ZNF264: variants seen among roughly 807,000 people sequenced by gnomAD.
The protein encoded by ZNF264 is zinc finger protein 264.
A neutral mutation model predicts 11.2 loss-of-function variants in ZNF264; 11 were observed. The ratio of observed to expected loss-of-function variants is 0.98; its 90% CI spans 0.62 to 1.63. ZNF264 has a LOEUF of 1.63. Among genes scored for constraint, ZNF264 ranks in the 40% most tolerant of loss-of-function variants. ZNF264 has a pLI of 0.00. For missense variants in ZNF264, 752 were observed against 768.1 expected (o/e 0.98, Z 0.25); for synonymous variants, 309 against 279.8 (o/e 1.10, Z -1.04).
chr19:57,195,818 G>A lies in ZNF264; in HGVS notation c.160+1817G>A, dbSNP rs983261902. 8.6e-5 allele frequency among the ~76,000 whole-genome samples: 13 copies of A among 151,922 alleles called. 2 individuals carry two copies. The highest frequency in any genetic ancestry group is 3.2e-4 in the African/African-American group (13 of 41,232). On this transcript the variant is annotated intron_variant, in intron 2 of 3. Coordinates refer to ENST00000263095, the MANE Select transcript of ZNF264 (RefSeq NM_003417.5). ...TGGCAATCTTAACTTCCAGTTTAAT[G>A]GAATCGTTGTGTCTCCTGGTGGCAG...
intron 3 of ZNF264, among the ~76,000 whole-genome samples, chr19:57,208,917 GTAATGTT>G (rs1394315033): frequency 6.6e-6 from 1 of 152,102 alleles, no homozygotes; most frequent in African/African-American, 2.4e-5. Context: ...TTTCACTGCT[GTAATGTT>G]TTAGCAACTT....
chr19:57,207,654 G>A (rs1055756030), intron 3 of ZNF264, among the ~76,000 whole-genome samples: 8 of 149,656 alleles, frequency 5.3e-5, no homozygotes, highest in Non-Finnish European at 1.0e-4. Flanking sequence ...CAAGTAGCTG[G>A]GATTACAGGT....
At chr19:57,192,499 C>G (rs1435891461) in intron 1 of ZNF264, 1 of 985,250 alleles carries the variant, frequency 1.0e-6, no homozygotes, top group East Asian at 1.1e-4. Context: ...GCTCGTGTTC[C>G]GTGGCCCCAA....
In ZNF264 at chr19:57,218,187, T is replaced by C. The variant is rs2087393813; in HGVS notation, c.*5206T>C. On this transcript the variant is annotated 3_prime_UTR_variant, in exon 4 of 4. Coordinates refer to ENST00000263095, the MANE Select transcript of ZNF264 (RefSeq NM_003417.5). Reference sequence around the variant, plus strand: ...CAAATGTTCTTTGTTTTCCTTCCTCTAAAGATGTCTTTATGTTTCCTTCAT... The same window carrying C: ...CAAATGTTCTTTGTTTTCCTTCCTCCAAAGATGTCTTTATGTTTCCTTCAT... 6.6e-6 allele frequency: 1 copy of C among 152,234 alleles called. No homozygotes were observed. The highest frequency in any genetic ancestry group is 2.1e-4 in the South Asian group (1 of 4,830). The allele number at this position is 152,234 out of a possible 1,614,324, so 9.4% of individuals were successfully genotyped here. A position where few individuals can be genotyped will look rare whatever the true frequency, so the allele number is the denominator to read the frequency against.
rs2087413874 is a variant in ZNF264, at chr19:57,221,082, A to T, written c.*8101A>T. 1 of 151,794 alleles carries T rather than the reference A, an allele frequency of 6.6e-6. No individual in the cohort carries two copies. Among genetic ancestry groups the T allele is most frequent in the Admixed American group, 6.6e-5 (1 of 15,204 alleles). 9.4% of individuals were successfully genotyped at this position (151,794 alleles called of 1,614,324 possible). A position where few individuals can be genotyped will look rare whatever the true frequency, so the allele number is the denominator to read the frequency against. Reference sequence around the variant, plus strand: ...TTTGTTTGTTTTGAGATGGAGTCTCACTCTGTCACCCATGCTGGTGTGCAG... The same window carrying T: ...TTTGTTTGTTTTGAGATGGAGTCTCTCTCTGTCACCCATGCTGGTGTGCAG... On this transcript the variant is annotated 3_prime_UTR_variant, in exon 4 of 4. Transcript: ENST00000263095.
rs1000799265 is a variant in ZNF264, at chr19:57,218,256, G to A, written c.*5275G>A. 2 of 152,096 alleles carry A rather than the reference G, an allele frequency of 1.3e-5. No individual in the cohort carries two copies. Among genetic ancestry groups the A allele is most frequent in the African/African-American group, 4.8e-5 (2 of 41,420 alleles). The allele number at this position is 152,096 out of a possible 1,614,324, so 9.4% of individuals were successfully genotyped here. On this transcript the variant is annotated 3_prime_UTR_variant, in exon 4 of 4. Coordinates refer to ENST00000263095, the MANE Select transcript of ZNF264 (RefSeq NM_003417.5). ...TGGAATATAAGATTCAGAGTTGGCA[G>A]TTGTTTTCTTTTAGACTTCAGAGAT...
intron 2 of ZNF264, among the ~76,000 whole-genome samples, chr19:57,201,701 C>A (rs2122745988): frequency 6.6e-6 from 1 of 152,024 alleles, no homozygotes; most frequent in Non-Finnish European, 1.5e-5. Context: ...TCTTTAAACA[C>A]TGGAAGGATC....
chr19:57,202,671 ATGGAAGCTC>A (rs985087600), intron 2 of ZNF264, among the ~76,000 whole-genome samples: 6 of 151,902 alleles, frequency 3.9e-5, no homozygotes, highest in Admixed American at 2.6e-4. Flanking sequence ...CAGGAAGGGC[ATGGAAGCTC>A]TGTGCCCCTT....
At chr19:57,195,078 A>G (rs2087202483) in intron 2 of ZNF264, 2 of 349,996 alleles carry the variant, frequency 5.7e-6, no homozygotes, top group Non-Finnish European at 1.0e-5. Context: ...CCTAGCTGTT[A>G]ACCATCACAA....
intron 1 of ZNF264, among the ~76,000 whole-genome samples, 156 bp downstream of exon 1, chr19:57,192,102 G>C (rs58278481): frequency 0.05 from 7,669 of 152,230 alleles, 648 homozygotes; most frequent in African/African-American, 0.17. Flanking sequence ...ATACCTGGCC[G>C]TAAGGAGTGT....
At chr19:57,197,503 C>G (rs1261817779) in intron 2 of ZNF264, among the ~76,000 whole-genome samples, 1 of 151,958 alleles carries the variant, frequency 6.6e-6, no homozygotes, top group Admixed American at 6.5e-5. Context: ...GCATCCCTAT[C>G]TGCCACTGAC....
intron 2 of ZNF264, 100 bp from the exon 3 acceptor site, chr19:57,205,297 C>T (rs370048683): frequency 4.3e-6 from 5 of 1,152,822 alleles, no homozygotes; most frequent in African/African-American, 1.5e-5. Flanking sequence ...AGCAGCTTCA[C>T]TCCAAGGTCT....
At chr19:57,207,442 G>A (rs1302281174) in intron 3 of ZNF264, among the ~76,000 whole-genome samples, 1 of 151,682 alleles carries the variant, frequency 6.6e-6, no homozygotes, top group East Asian at 1.9e-4. Flanking sequence ...CCAGGGTCTA[G>A]AACACACTTC....
chr19:57,212,483 A>T lies in ZNF264; in HGVS notation c.1386A>T (p.Lys462Asn). The T allele has an allele frequency of 6.2e-7, 1 of 1,612,844 alleles. No homozygotes were observed. The highest frequency in any genetic ancestry group is 8.5e-7 in the Non-Finnish European group (1 of 1,179,764). Reference sequence around the variant, plus strand: ...CTTTCGAGTGCAAAGAGTGTGGGAAAGCCTTTAGCAATCGGAAGGACCTCA... The same window carrying T: ...CTTTCGAGTGCAAAGAGTGTGGGAATGCCTTTAGCAATCGGAAGGACCTCA... The part of the protein sequence containing the change: ...EKPFECKECG[K>N]AFSNRKDLIR... The change falls in exon 4 of 4, where the codon AAA (lysine) becomes AAT (asparagine). Residue 462 changes from lysine to asparagine, a missense_variant. By Grantham distance (94) the Lys-to-Asn change is moderately conservative (BLOSUM62 0). Coordinates refer to ENST00000263095, the MANE Select transcript of ZNF264 (RefSeq NM_003417.5).
In ZNF264 at chr19:57,203,995, G is replaced by A. The variant is rs559669675; in HGVS notation, c.161-1402G>A. Among the ~76,000 whole-genome samples, 8 of 152,212 alleles carry A rather than the reference G, an allele frequency of 5.3e-5. No homozygotes were observed. In the East Asian group the frequency reaches 1.2e-3, roughly 22 times the overall value. ...AGGTCAGGAGATCGAGACCATCCTG[G>A]CTAACACAGTGAAACCCTGTCTCTA... On this transcript the variant is annotated intron_variant, in intron 2 of 3. Transcript: ENST00000263095.
chr19:57,215,296 C>T lies in ZNF264; in HGVS notation c.*2315C>T, dbSNP rs1480894706. On this transcript the variant is annotated 3_prime_UTR_variant, in exon 4 of 4. Coordinates refer to ENST00000263095, the MANE Select transcript of ZNF264 (RefSeq NM_003417.5). Reference sequence around the variant, plus strand: ...GTGTAATAAATTTTGATAGTCTGTCCTGTTGAAGGAATATTTCATCTGTAT... The same window carrying T: ...GTGTAATAAATTTTGATAGTCTGTCTTGTTGAAGGAATATTTCATCTGTAT... The T allele has an allele frequency of 6.6e-6, 1 of 152,120 alleles. No homozygotes were observed. The highest frequency in any genetic ancestry group is 6.5e-5 in the Admixed American group (1 of 15,274). 9.4% of individuals were successfully genotyped at this position (152,120 alleles called of 1,614,324 possible). A position where few individuals can be genotyped will look rare whatever the true frequency, so the allele number is the denominator to read the frequency against.
chr19:57,207,597 G>A (rs919308230), intron 3 of ZNF264, among the ~76,000 whole-genome samples: 2 of 142,682 alleles, frequency 1.4e-5, no homozygotes, highest in African/African-American at 5.3e-5. Context: ...AGGCTGGAGT[G>A]CAGTGGTGCT....
chr19:57,192,073 C>G (rs2087177746), intron 1 of ZNF264, 127 bp downstream of exon 1: 1 of 941,112 alleles, frequency 1.1e-6, no homozygotes, highest in South Asian at 2.7e-5. Context: ...GTGTGTGGAG[C>G]TGGTTTGCCA....
At chr19:57,193,192 A>G (rs930940840) in intron 1 of ZNF264, among the ~76,000 whole-genome samples, 8 of 152,200 alleles carry the variant, frequency 5.3e-5, no homozygotes, top group Non-Finnish European at 1.0e-4. Flanking sequence ...GATCCTATCT[A>G]TGGTGGTGAG....
Sources: allele counts gnomAD v4.1 joint callset (sites outside exome capture counted in the v4.1 genomes callset), GRCh38; gene constraint gnomAD v4.1.1; transcripts MANE v1.5; gene names NCBI Gene and HGNC (gene_info 2026-07-23, HGNC 2026-07-21).